Variants in FMN2 observed in about 807,000 individuals in gnomAD.
FMN2 encodes the protein formin-2.
In FMN2, 51 loss-of-function variants were observed where a neutral mutation model predicts 142.3. The ratio of observed to expected loss-of-function variants is 0.36; its 90% CI spans 0.29 to 0.45. FMN2 has a LOEUF of 0.45. FMN2 is among the 20% of genes least tolerant of loss of function. FMN2 has a pLI of 1.00. For synonymous variants in FMN2, 882 were observed against 869.8 expected (o/e 1.01, Z -0.25); for missense variants, 1,936 against 2,122.8 (o/e 0.91, Z 1.73).
At chr1:240,236,415 A>G (rs1054362610) in intron 6 of FMN2, among the ~76,000 whole-genome samples, 4 of 152,202 alleles carry the variant, frequency 2.6e-5, no homozygotes, top group Non-Finnish European at 5.9e-5. Flanking sequence ...TGTGTTCCAG[A>G]ATCATTAGAC....
At chr1:240,104,788 T>C (rs1284162443) in intron 1 of FMN2, among the ~76,000 whole-genome samples, 2 of 152,194 alleles carry the variant, frequency 1.3e-5, no homozygotes, top group Admixed American at 1.3e-4. Flanking sequence ...CCTGCTGGGT[T>C]GTTCAACACC....
At chr1:240,155,432 A>G (rs747000638) in intron 2 of FMN2, among the ~76,000 whole-genome samples, 4 of 152,060 alleles carry the variant, frequency 2.6e-5, no homozygotes, top group Non-Finnish European at 5.9e-5. Context: ...TTAGATGTGC[A>G]CTGCCATGCC....
intron 7 of FMN2, among the ~76,000 whole-genome samples, chr1:240,288,375 A>C (rs1669661192): frequency 6.6e-6 from 1 of 152,156 alleles, no homozygotes; most frequent in Admixed American, 6.6e-5. Context: ...TTTTCTTTCC[A>C]CTGAATCATG....
chr1:240,196,476 G>A (rs1295641286), intron 4 of FMN2, among the ~76,000 whole-genome samples: 1 of 152,120 alleles, frequency 6.6e-6, no homozygotes, highest in Non-Finnish European at 1.5e-5. Flanking sequence ...GGAAACTGTG[G>A]AGGTGGGGCC....
intron 2 of FMN2, among the ~76,000 whole-genome samples, chr1:240,128,935 G>A (rs543247458): frequency 1.2e-4 from 18 of 152,048 alleles, no homozygotes; most frequent in South Asian, 4.2e-4. Context: ...GTGCAGTGGC[G>A]CGATCTTGGC....
chr1:240,447,772 G>A (rs1199937234), intron 16 of FMN2, among the ~76,000 whole-genome samples: 1 of 152,174 alleles, frequency 6.6e-6, no homozygotes, highest in African/African-American at 2.4e-5. Context: ...GGTACAAAAT[G>A]CCCTAAACTT....
chr1:240,230,302 G>A lies in FMN2; in HGVS notation c.4065+19067G>A, dbSNP rs1350523773. ...AGATCAAGCCACTGCACTCCAGCCT[G>A]GGCAAGAGAGTCAGACCCTGTCTGA... On this transcript the variant is annotated intron_variant, in intron 6 of 17. Transcript: ENST00000319653. Among the ~76,000 whole-genome samples, 4 of 122,492 alleles carry A rather than the reference G, an allele frequency of 3.3e-5. 2 individuals are homozygous for A. Among genetic ancestry groups the A allele is most frequent in the African/African-American group, 1.5e-4 (4 of 27,036 alleles). The allele number at this position is 122,492 out of a possible 152,430, so 80.4% of individuals were successfully genotyped here. A position where few individuals can be genotyped will look rare whatever the true frequency, so the allele number is the denominator to read the frequency against.
In FMN2 at chr1:240,221,088, G is replaced by A. The variant is rs1050827629; in HGVS notation, c.4065+9853G>A. 2.0e-5 allele frequency among the ~76,000 whole-genome samples: 3 copies of A among 152,298 alleles called. No homozygotes were observed. In the South Asian group the frequency reaches 6.2e-4, roughly 32 times the overall value. ...CTGCATTGTATTCCATGGTGTATAT[G>A]TGCCACATTTTCTTTATCCAGCCTA... On this transcript the variant is annotated intron_variant, in intron 6 of 17. Transcript: ENST00000319653.
In FMN2 at chr1:240,155,894, CTT is replaced by C. The variant is rs57086534; in HGVS notation, c.1783-22014_1783-22013del. On this transcript the variant is annotated intron_variant, in intron 2 of 17. Coordinates refer to ENST00000319653, the MANE Select transcript of FMN2 (RefSeq NM_020066.5). ...TGGACTGGCACTTCAAAATTAGATA[CTT>C]TTTTTTTTTTTTAATAATGACTAAA... Among the ~76,000 whole-genome samples, 1,012 of 136,328 alleles carry C rather than the reference CTT, an allele frequency of 7.4e-3. 16 individuals carry two copies. Among genetic ancestry groups the C allele is most frequent in the African/African-American group, 0.025 (963 of 38,162 alleles). 89.4% of individuals were successfully genotyped at this position (136,328 alleles called of 152,430 possible).
Position 240,228,326 on chromosome 1 carries a change from A to G in FMN2, c.4065+17091A>G, listed in dbSNP as rs1359778615. Among the ~76,000 whole-genome samples the G allele has an allele frequency of 1.2e-3, 109 of 91,740 alleles. 1 individual carries two copies. Among genetic ancestry groups the G allele is most frequent in the Non-Finnish European group, 1.9e-3 (94 of 49,566 alleles). 60.2% of individuals were successfully genotyped at this position (91,740 alleles called of 152,430 possible). A position where few individuals can be genotyped will look rare whatever the true frequency, so the allele number is the denominator to read the frequency against. ...CTCAAAAAAAAAAAAAAAAAAAAAA[A>G]AAAAAAGAAAAAGAAAAAGAAAAAG... is the stretch of plus-strand genomic sequence containing the variant. On this transcript the variant is annotated intron_variant, in intron 6 of 17. Transcript: ENST00000319653.
intron 7 of FMN2, among the ~76,000 whole-genome samples, chr1:240,271,417 ATTTTT>A (rs199805120): frequency 7.2e-6 from 1 of 139,066 alleles, no homozygotes; most frequent in Non-Finnish European, 1.6e-5. Context: ...TCAGTGTCTG[ATTTTT>A]TTTTTTTTTT....
At chr1:240,425,080 C>T (rs942921605) in intron 15 of FMN2, among the ~76,000 whole-genome samples, 5 of 152,114 alleles carry the variant, frequency 3.3e-5, no homozygotes, top group East Asian at 1.9e-4. Flanking sequence ...TTTCTGATGG[C>T]GGTCAGTGCT....
chr1:240,131,056 T>C (rs1339860119), intron 2 of FMN2, among the ~76,000 whole-genome samples: 2 of 152,172 alleles, frequency 1.3e-5, no homozygotes, highest in Non-Finnish European at 2.9e-5. Flanking sequence ...TGAAGTGGGC[T>C]CCACAGTCAA....
chr1:240,245,349 G>A (rs753298341), intron 6 of FMN2: 18 of 379,706 alleles, frequency 4.7e-5, no homozygotes, highest in East Asian at 2.2e-4. Context: ...CAGTCTACCC[G>A]TACTCTCTGG....
At chr1:240,397,785 CAAAAAAAAAAAAAAA>C (rs35826717) in intron 15 of FMN2, among the ~76,000 whole-genome samples, 2 of 46,816 alleles carry the variant, frequency 4.3e-5, no homozygotes, top group African/African-American at 1.6e-4. Context: ...GACTCCTTCT[CAAAAAAAAAAAAAAA>C]AAAAAAAAAA....
intron 1 of FMN2, among the ~76,000 whole-genome samples, chr1:240,120,881 G>C (rs1662209530): frequency 6.6e-6 from 1 of 152,204 alleles, no homozygotes. Flanking sequence ...AGCTAGGCCA[G>C]GCACGGTGTT....
At chr1:240,432,637 T>C (rs1363268013) in intron 15 of FMN2, among the ~76,000 whole-genome samples, 1 of 152,094 alleles carries the variant, frequency 6.6e-6, no homozygotes, top group East Asian at 1.9e-4. Context: ...TCAATTTCTC[T>C]CTAAGTACTT....
chr1:240,439,499 C>T (rs1019946523), intron 16 of FMN2, among the ~76,000 whole-genome samples: 1 of 152,114 alleles, frequency 6.6e-6, no homozygotes, highest in East Asian at 1.9e-4. Flanking sequence ...CTTGCGCTTA[C>T]TCCTATAATA....
chr1:240,165,275 A>G (rs1471814617), intron 2 of FMN2, among the ~76,000 whole-genome samples: 1 of 152,164 alleles, frequency 6.6e-6, no homozygotes, highest in Non-Finnish European at 1.5e-5. Context: ...TCCTGGGCTC[A>G]AGTGATCCTC....
Sources: gnomAD v4.1 joint callset for allele counts (sites outside exome capture counted in the v4.1 genomes callset) on GRCh38, gnomAD v4.1.1 for gene constraint, MANE v1.5 for transcripts, NCBI Gene and HGNC (gene_info 2026-07-23, HGNC 2026-07-21) for gene names.